The following GRHL2 variants were observed in gnomAD, a reference collection of about 807,000 sequenced individuals.
GRHL2 encodes grainyhead like transcription factor 2, also known as grainyhead-like protein 2 homolog.
A neutral mutation model predicts 83.8 loss-of-function variants in GRHL2; 21 were observed. The ratio of observed to expected loss-of-function variants is 0.25; its 90% CI spans 0.18 to 0.36. The LOEUF is 0.36. GRHL2 is among the 10% of genes least tolerant of loss of function. The pLI is 1.00. For missense variants in GRHL2, 623 were observed against 781.8 expected, an observed-to-expected ratio of 0.80 and a Z score of 2.42; for synonymous variants, 280 against 278.9, an observed-to-expected ratio of 1.00 and a Z score of -0.04.
chr8:101,642,563 G>T (rs1813423816), intron 12 of GRHL2, among the ~76,000 whole-genome samples: 1 of 152,174 alleles, frequency 6.6e-6, no homozygotes, highest in Non-Finnish European at 1.5e-5. Context: ...ACAGTAACGT[G>T]ACCTGCTTTT....
At chr8:101,602,218 A>T (rs868687147) in intron 8 of GRHL2, among the ~76,000 whole-genome samples, 1 of 152,240 alleles carries the variant, frequency 6.6e-6, no homozygotes, top group South Asian at 2.1e-4. Context: ...CATTGATTTT[A>T]TAATAAGCAG....
chr8:101,552,669 T>A, intron 2 of GRHL2, 46 bp from the exon 3 acceptor site: 1 of 1,569,150 alleles, frequency 6.4e-7, no homozygotes, highest in Non-Finnish European at 8.8e-7. Flanking sequence ...AACATGGTCA[T>A]GGTTGCCTCT....
chr8:101,664,753 G>A (rs1814008023), intron 15 of GRHL2, among the ~76,000 whole-genome samples: 1 of 152,048 alleles, frequency 6.6e-6, no homozygotes, highest in Non-Finnish European at 1.5e-5. Context: ...TCAATGACAA[G>A]ACAAGCAGGA....
chr8:101,551,874 C>G (rs1450951580), intron 2 of GRHL2, among the ~76,000 whole-genome samples: 2 of 149,082 alleles, frequency 1.3e-5, no homozygotes, highest in African/African-American at 2.5e-5. Context: ...CTTGCTCTGT[C>G]GCCCAGGCTA....
chr8:101,542,275 C>T (rs1811169073), intron 1 of GRHL2, among the ~76,000 whole-genome samples: 1 of 152,122 alleles, frequency 6.6e-6, no homozygotes, highest in Non-Finnish European at 1.5e-5. Flanking sequence ...TTCTTGCATT[C>T]ATTAATAAAG....
chr8:101,513,713 C>G (rs1016489758), intron 1 of GRHL2, among the ~76,000 whole-genome samples: 1 of 151,954 alleles, frequency 6.6e-6, no homozygotes, highest in Non-Finnish European at 1.5e-5. Context: ...CCAGGCTGGT[C>G]TCAAACTCCT....
chr8:101,674,305 C>T (rs10111904), downstream of GRHL2, among the ~76,000 whole-genome samples: 14,438 of 151,784 alleles, frequency 0.095, 759 homozygotes, highest in Middle Eastern at 0.14. Flanking sequence ...ATCGATAGAC[C>T]GCTAGCAAGA....
rs145858407 is a variant in GRHL2 at position 101,582,106 on chromosome 8, C to T, written c.1003+4587C>T. ...TATAAAAATTAGCCGGACGTGGTGG[C>T]GGGCACCTACAATTCCAGCTACCTG... On this transcript the variant is annotated intron_variant, in intron 7 of 15. Transcript: ENST00000646743. Among the ~76,000 whole-genome samples the T allele has an allele frequency of 8.9e-3, 1,355 of 152,084 alleles. 3 individuals are homozygous for T. The highest frequency in any genetic ancestry group is 0.013 in the Non-Finnish European group (863 of 67,976).
chr8:101,573,628 C>T (rs752885576), intron 5 of GRHL2, 40 bp from the exon 6 acceptor site: 91 of 1,612,956 alleles, frequency 5.6e-5, no homozygotes, highest in Non-Finnish European at 7.4e-5. Flanking sequence ...CAGAAATGTC[C>T]AAGTGAGTGG....
rs2129778685 is a variant in GRHL2, at chr8:101,666,794, T to TCTCCC, written c.*93_*97dup. On this transcript the variant is annotated 3_prime_UTR_variant, in exon 16 of 16. Coordinates refer to ENST00000646743, the MANE Select transcript of GRHL2 (RefSeq NM_024915.4). ...CCCAGCCCCAGAACCTGGAGACCCATCTCCCCCATCTCACAACTGCTGTTA... is the reference window on the plus strand; with the variant it reads ...CCCAGCCCCAGAACCTGGAGACCCATCTCCCCTCCCCCATCTCACAACTGCTGTTA... 1.3e-6 allele frequency: 1 copy of TCTCCC among 784,426 alleles called. No individual in the cohort carries two copies. The highest frequency in any genetic ancestry group is 2.5e-5 in the East Asian group (1 of 39,290). 48.6% of individuals were successfully genotyped at this position (784,426 alleles called of 1,614,324 possible).
At chr8:101,675,035 A>G in the GRHL2 span, among the ~76,000 whole-genome samples, 1 of 152,178 alleles carries the variant, frequency 6.6e-6, no homozygotes, top group African/African-American at 2.4e-5. Context: ...CTCTCAATCA[A>G]TTAGCTATTG....
At chr8:101,618,029 TA>T (rs1206395269) in intron 8 of GRHL2, among the ~76,000 whole-genome samples, 1 of 152,236 alleles carries the variant, frequency 6.6e-6, no homozygotes, top group African/African-American at 2.4e-5. Flanking sequence ...CATTTTATTT[TA>T]AATAAAAAGA....
At chr8:101,610,283 A>G (rs991530483) in intron 8 of GRHL2, among the ~76,000 whole-genome samples, 2 of 151,078 alleles carry the variant, frequency 1.3e-5, no homozygotes, top group Non-Finnish European at 2.9e-5. Context: ...GCAAATCATA[A>G]CTAATCTACC....
chr8:101,587,462 T>G (rs1812191393), intron 7 of GRHL2, among the ~76,000 whole-genome samples: 1 of 152,232 alleles, frequency 6.6e-6, no homozygotes, highest in Admixed American at 6.5e-5. Flanking sequence ...AGACCTGCTG[T>G]GTTTAGTGCT....
chr8:101,649,778 C>T (rs1029928231), intron 14 of GRHL2, among the ~76,000 whole-genome samples: 3 of 151,996 alleles, frequency 2.0e-5, no homozygotes, highest in Non-Finnish European at 2.9e-5. Flanking sequence ...ACTTGTCTCT[C>T]GGTATGAAAC....
chr8:101,643,420 G>A lies in GRHL2; in HGVS notation c.1518-711G>A, dbSNP rs143746693. On this transcript the variant is annotated intron_variant, in intron 12 of 15. Coordinates refer to ENST00000646743, the MANE Select transcript of GRHL2 (RefSeq NM_024915.4). ...AATCCTCCCCTTGCTTAGGGCACCC[G>A]GGAGACTAAGGAAGGACAGTGACTG... 2.7e-5 allele frequency among the ~76,000 whole-genome samples: 4 copies of A among 145,960 alleles called. No homozygotes were observed. The East Asian group carries it at 8.2e-4, about 30-fold the overall frequency.
intron 1 of GRHL2, among the ~76,000 whole-genome samples, chr8:101,540,465 CA>C (rs1328930717): frequency 1.3e-5 from 2 of 152,214 alleles, no homozygotes; most frequent in African/African-American, 4.8e-5. Flanking sequence ...AACTCATTTG[CA>C]ATTGAGTCAA....
rs1416508777 is a variant in GRHL2 at position 101,669,024 on chromosome 8, C to A, written c.*2321C>A. ...TGCCACCAGAGGGTGGTGCCAAGTGCCACATCCCTTCCGATCCATTCCCCT... is the reference window on the plus strand; with the variant it reads ...TGCCACCAGAGGGTGGTGCCAAGTGACACATCCCTTCCGATCCATTCCCCT... On this transcript the variant is annotated 3_prime_UTR_variant, in exon 16 of 16. Coordinates refer to ENST00000646743, the MANE Select transcript of GRHL2 (RefSeq NM_024915.4). 6.6e-6 allele frequency: 1 copy of A among 152,218 alleles called. No individual in the cohort carries two copies. The highest frequency in any genetic ancestry group is 2.4e-5 in the African/African-American group (1 of 41,446). The allele number at this position is 152,218 out of a possible 1,614,324, so 9.4% of individuals were successfully genotyped here.
chr8:101,628,856 C>A (rs765855301), intron 9 of GRHL2, among the ~76,000 whole-genome samples: 14 of 151,932 alleles, frequency 9.2e-5, no homozygotes, highest in Non-Finnish European at 1.8e-4. Flanking sequence ...AGAAGTGGAG[C>A]CTAAAGATGT....
Sources: gnomAD v4.1 joint callset for allele counts (sites outside exome capture counted in the v4.1 genomes callset) on GRCh38, gnomAD v4.1.1 for gene constraint, MANE v1.5 for transcripts, NCBI Gene and HGNC (gene_info 2026-07-23, HGNC 2026-07-21) for gene names.